OGT: variants seen among roughly 807,000 people sequenced by gnomAD.
The protein encoded by OGT is UDP-N-acetylglucosamine--peptide N-acetylglucosaminyltransferase 110 kDa subunit.
OGT carries 3 observed loss-of-function variants against 75.8 expected under a neutral mutation model. That is an observed-to-expected ratio of 0.04 (90% CI 0.02 to 0.10). OGT has a LOEUF of 0.10. Among genes scored for constraint, OGT ranks in the 10% least tolerant of loss-of-function variants. OGT has a pLI of 1.00. For synonymous variants in OGT, 257 were observed against 289.7 expected (o/e 0.89, Z 1.15); for missense variants, 260 against 824.4 (o/e 0.32, Z 8.38).
chrX:71,547,349 T>C, intron 4 of OGT: 1 of 701,389 alleles, frequency 1.4e-6, no homozygotes, highest in Admixed American at 8.6e-5. Flanking sequence ...AAGAGTTCCA[T>C]GGTCAACTAA....
At position 71,555,850 on chromosome X, in the gene OGT, G is replaced by C. The variant is rs987443421; in HGVS notation, c.925-104G>C. 52 of 967,988 alleles carry C rather than the reference G, an allele frequency of 5.4e-5. No homozygotes were observed. The African/African-American group carries it at 8.8e-4, about 16-fold the overall frequency. The allele number at this position is 967,988 out of a possible 1,213,427, so 79.8% of individuals were successfully genotyped here. A position where few individuals can be genotyped will look rare whatever the true frequency, so the allele number is the denominator to read the frequency against. ...GAATACCAAAAAATATCAATTTTCT[G>C]TAGCATTACCAGCCATTAGGCTTAA... is the stretch of plus-strand genomic sequence containing the variant. On this transcript the variant is annotated intron_variant, in intron 7 of 21. Coordinates refer to ENST00000373719, the MANE Select transcript of OGT (RefSeq NM_181672.3).
chrX:71,563,436 C>T lies in OGT; in HGVS notation c.2373C>T (p.Asn791=). Residue 791 remains asparagine (N), a synonymous_variant, in exon 18 of 22, where the codon AAC becomes AAT. Coordinates refer to ENST00000373719, the MANE Select transcript of OGT (RefSeq NM_181672.3). ...TIAEAVIEMI[N]RGQIQITING... ...CAGAAGCAGTTATTGAAATGATTAA[C>T]CGAGGACAGATTCAAATAACAATTA... 8.3e-7 allele frequency: 1 copy of T among 1,206,124 alleles called. No homozygotes were observed. The highest frequency in any genetic ancestry group is 1.1e-6 in the Non-Finnish European group (1 of 891,601).
intron 14 of OGT, among the ~76,000 whole-genome samples, chrX:71,560,823 T>G (rs922368416): frequency 1.8e-5 from 2 of 111,614 alleles, no homozygotes; most frequent in Non-Finnish European, 3.8e-5. Context: ...GTCTAAACTC[T>G]TCAGCATAGC....
chrX:71,547,199 C>G (rs1030903972), intron 4 of OGT: 2 of 754,247 alleles, frequency 2.7e-6, no homozygotes, highest in Non-Finnish European at 3.1e-6. Flanking sequence ...AACTTAAAGC[C>G]TGGCTTTATG....
At chrX:71,550,055 A>G (rs1290979224) in intron 5 of OGT, among the ~76,000 whole-genome samples, 3 of 112,301 alleles carry the variant, frequency 2.7e-5, no homozygotes, top group African/African-American at 9.7e-5. Flanking sequence ...TGAGCTTATA[A>G]TTATGCTAAA....
chrX:71,537,808 A>T (rs1441566614), intron 2 of OGT, 21 bp from the exon 3 acceptor site: 1 of 1,208,858 alleles, frequency 8.3e-7, no homozygotes, highest in East Asian at 3.0e-5. Context: ...CCCATGCATT[A>T]ACACTTGTCG....
chrX:71,560,013 G>T (rs1346678423), intron 14 of OGT, among the ~76,000 whole-genome samples: 1 of 110,963 alleles, frequency 9.0e-6, no homozygotes, highest in Non-Finnish European at 1.9e-5. Flanking sequence ...CGGGTGTGGT[G>T]ACTCATGCCT....
At chrX:71,570,957 C>CT (rs1237109889) in intron 21 of OGT, among the ~76,000 whole-genome samples, 189 of 97,747 alleles carry the variant, frequency 1.9e-3, no homozygotes, top group Non-Finnish European at 2.4e-3. Flanking sequence ...CCATGCCTGG[C>CT]TTTTTTTTTT....
chrX:71,551,035 A>G (rs769273389), intron 5 of OGT, among the ~76,000 whole-genome samples: 1 of 111,827 alleles, frequency 8.9e-6, no homozygotes. Context: ...CAAAAAGAAT[A>G]GGTTTTTAAT....
chrX:71,567,128 C>T (rs1056540356), intron 19 of OGT, among the ~76,000 whole-genome samples: 1 of 112,351 alleles, frequency 8.9e-6, no homozygotes, highest in Non-Finnish European at 1.9e-5. Context: ...CAGAAAAGAC[C>T]GATTTATATT....
In OGT at chrX:71,567,977, AT is replaced by A. The variant is rs1569430829; in HGVS notation, c.2843-15del. ...TTACGTTCTCAGATGTGCAGTTGTTATCTTTTGTATTACAGGAGAGACTCTT... is the reference window on the plus strand; with the variant it reads ...TTACGTTCTCAGATGTGCAGTTGTTACTTTTGTATTACAGGAGAGACTCTT... On this transcript the variant is annotated splice_polypyrimidine_tract_variant and intron_variant, in intron 20 of 21. Transcript: ENST00000373719. 8.3e-7 allele frequency: 1 copy of A among 1,202,086 alleles called. No individual in the cohort carries two copies. The highest frequency in any genetic ancestry group is 1.1e-6 in the Non-Finnish European group (1 of 892,077).
At chrX:71,571,842 T>C (rs1223109561) in intron 21 of OGT, among the ~76,000 whole-genome samples, 1 of 110,262 alleles carries the variant, frequency 9.1e-6, no homozygotes, top group African/African-American at 3.3e-5. Flanking sequence ...TGATCTTGGC[T>C]CACTGCAGCC....
At chrX:71,550,048 G>A (rs1230969269) in intron 5 of OGT, among the ~76,000 whole-genome samples, 1 of 111,899 alleles carries the variant, frequency 8.9e-6, no homozygotes, top group Non-Finnish European at 1.9e-5. Flanking sequence ...AAATCTATGA[G>A]CTTATAATTA....
In OGT at chrX:71,567,067, T is replaced by C. The variant is rs1474570448; in HGVS notation, c.2590-433T>C. On this transcript the variant is annotated intron_variant, in intron 19 of 21. Transcript: ENST00000373719. ...CTACAGCAGAAGAACTGAGCAGCTA[T>C]GACAGTCCATGTGGCCACAGAACCA... Among the ~76,000 whole-genome samples the C allele has an allele frequency of 2.2e-4, 25 of 112,572 alleles. No homozygotes were observed. In the Admixed American group the frequency reaches 2.3e-3, roughly 10 times the overall value.
Position 71,563,447 on chromosome X carries a change from T to G in OGT, c.2384T>G (p.Ile795Ser). The G allele has an allele frequency of 8.3e-7, 1 of 1,207,630 alleles. No homozygotes were observed. The highest frequency in any genetic ancestry group is 1.1e-6 in the Non-Finnish European group (1 of 892,927). The part of the protein sequence containing the change: ...AVIEMINRGQ[I>S]QITINGFSIS... Reference sequence around the variant, plus strand: ...ATTGAAATGATTAACCGAGGACAGATTCAAATAACAATTAATGGATTCAGT... The same window carrying G: ...ATTGAAATGATTAACCGAGGACAGAGTCAAATAACAATTAATGGATTCAGT... Residue 795 changes from isoleucine to serine, a missense_variant, in exon 18 of 22, where the codon ATT (isoleucine) becomes AGT (serine). Around this residue, in one of 6 missense-constraint regions of OGT, gnomAD observed 79 missense variants for 141.0 expected, o/e 0.56. Coordinates refer to ENST00000373719, the MANE Select transcript of OGT (RefSeq NM_181672.3).
chrX:71,556,237 A>G, intron 8 of OGT, 143 bp downstream of exon 8: 1 of 643,072 alleles, frequency 1.6e-6, no homozygotes, highest in Non-Finnish European at 2.3e-6. Flanking sequence ...TTGAGTACCT[A>G]AGGTATGATG....
At chrX:71,556,880 G>A (rs3736670) in intron 9 of OGT, 72 bp from the exon 10 acceptor site, 184,276 of 1,103,316 alleles carry the variant, frequency 0.17, 16,457 homozygotes, top group African/African-American at 0.48. Context: ...AAATAACAAC[G>A]GAATAAGTTA....
chrX:71,549,295 CAAAAAAAAAA>C (rs35779562), intron 5 of OGT, among the ~76,000 whole-genome samples: 3 of 21,838 alleles, frequency 1.4e-4, no homozygotes, highest in African/African-American at 3.4e-4. Flanking sequence ...GGCCCTGTCT[CAAAAAAAAAA>C]AAAAAAAAAA....
At chrX:71,541,392 T>A (rs1371389635) in intron 3 of OGT, among the ~76,000 whole-genome samples, 2 of 112,478 alleles carry the variant, frequency 1.8e-5, no homozygotes, top group Non-Finnish European at 3.8e-5. Context: ...TGTGCAAATG[T>A]CACATTTAAA....
Sources: allele counts gnomAD v4.1 joint callset (sites outside exome capture counted in the v4.1 genomes callset), GRCh38; gene constraint gnomAD v4.1.1; regional missense constraint gnomAD v4.1.1; transcripts MANE v1.5; gene names NCBI Gene and HGNC (gene_info 2026-07-23, HGNC 2026-07-21).